The following XRN1 variants were observed in gnomAD, a reference collection of about 807,000 sequenced individuals.
XRN1 encodes the protein strand-exchange protein 1 homolog.
XRN1 carries 67 observed loss-of-function variants against 222.3 expected under a neutral mutation model. The ratio of observed to expected loss-of-function variants is 0.30; its 90% CI spans 0.25 to 0.37. The LOEUF (loss-of-function observed/expected upper bound fraction) is 0.37, where lower values mean the gene tolerates loss of function less well. Ranked by LOEUF, XRN1 falls within the 10% of genes least tolerant of loss-of-function variation. The probability of loss-of-function intolerance (pLI) is 1.00; values close to 1 mark genes in which losing one functional copy is unlikely to be tolerated. For synonymous variants in XRN1, 643 were observed against 652.4 expected (o/e 0.99, Z 0.22); for missense variants, 1,707 against 2,000.2 (o/e 0.85, Z 2.80).
chr3:142,407,239 T>C (rs2068376465), intron 15 of XRN1, among the ~76,000 whole-genome samples: 1 of 152,234 alleles, frequency 6.6e-6, no homozygotes, highest in Non-Finnish European at 1.5e-5. Flanking sequence ...GCAAAGACCC[T>C]GGCAAACGTG....
intron 15 of XRN1, among the ~76,000 whole-genome samples, chr3:142,411,741 C>T (rs537057874): frequency 1.3e-5 from 2 of 152,062 alleles, no homozygotes; most frequent in Admixed American, 6.5e-5. Context: ...TGGGGATCCC[C>T]CAGATCTTTG....
chr3:142,403,263 T>C (rs948038765), intron 18 of XRN1, among the ~76,000 whole-genome samples: 1 of 152,208 alleles, frequency 6.6e-6, no homozygotes, highest in African/African-American at 2.4e-5. Context: ...AAGAAATAGT[T>C]CAGATACACA....
At chr3:142,342,192 A>G (rs2066013395) in intron 33 of XRN1, among the ~76,000 whole-genome samples, 1 of 152,252 alleles carries the variant, frequency 6.6e-6, no homozygotes, top group South Asian at 2.1e-4. Flanking sequence ...CAAGAAAGTA[A>G]TTCCATTTAC....
chr3:142,316,825 C>T (rs932261997), intron 39 of XRN1, among the ~76,000 whole-genome samples: 3 of 152,038 alleles, frequency 2.0e-5, no homozygotes, highest in African/African-American at 7.2e-5. Flanking sequence ...CTCAGCATTT[C>T]TGAAGGCTGA....
intron 27 of XRN1, among the ~76,000 whole-genome samples, chr3:142,365,934 C>T (rs2066798584): frequency 6.6e-6 from 1 of 152,108 alleles, no homozygotes; most frequent in Non-Finnish European, 1.5e-5. Context: ...AATTTTGTGG[C>T]CACTTATAAA....
At position 142,426,844 on chromosome 3, in the gene XRN1, T is replaced by G. The variant is rs370427461; in HGVS notation, c.309-3A>C. 1.2e-6 allele frequency: 2 copies of G among 1,612,260 alleles called. No homozygotes were observed. Among genetic ancestry groups the G allele is most frequent in the African/African-American group, 2.7e-5 (2 of 74,840 alleles). On this transcript the variant is annotated splice_region_variant and splice_polypyrimidine_tract_variant and intron_variant, in intron 2 of 40. Coordinates refer to ENST00000392981, the MANE Select transcript of XRN1 (RefSeq NM_001282857.2). ...TGTCTTCTGCCTCCTTTGCTGACCT[T>G]AAAGGTTAAGGGAAAAAAGTACCTT...
rs759852174 is a variant in XRN1 at position 142,422,748 on chromosome 3, T to C, written c.801A>G (p.Glu267=). Reference sequence around the variant, plus strand: ...CAATATCATATTTAAATGTGATCTTTTCCTACAGTAAAATAGAGAACAAAG... The same window carrying C: ...CAATATCATATTTAAATGTGATCTTCTCCTACAGTAAAATAGAGAACAAAG... ...YIDYEFSVLK[E]KITFKYDIER... Residue 267 remains glutamate, a splice_region_variant and synonymous_variant, in exon 8 of 41, where the codon GAA becomes GAG. Coordinates refer to ENST00000392981, the MANE Select transcript of XRN1 (RefSeq NM_001282857.2). 5 of 1,609,534 alleles carry C rather than the reference T, an allele frequency of 3.1e-6. No individual in the cohort carries two copies. The highest frequency in any genetic ancestry group is 4.2e-6 in the Non-Finnish European group (5 of 1,177,974).
At chr3:142,382,280 A>G (rs1015766197) in intron 22 of XRN1, among the ~76,000 whole-genome samples, 1 of 152,108 alleles carries the variant, frequency 6.6e-6, no homozygotes, top group Non-Finnish European at 1.5e-5. Context: ...ACATGATTCA[A>G]TCTTTATCAT....
intron 26 of XRN1, 135 bp downstream of exon 26, chr3:142,371,104 C>T (rs867851705): frequency 4.1e-5 from 30 of 726,222 alleles, no homozygotes; most frequent in African/African-American, 7.6e-5. Context: ...CCACTGCATT[C>T]GGGCAAGAGA....
chr3:142,313,082 G>A, intron 39 of XRN1: 1 of 1,558,860 alleles, frequency 6.4e-7, no homozygotes, highest in Non-Finnish European at 8.7e-7. Flanking sequence ...TCATGAAATT[G>A]TCCCTTGTGA....
chr3:142,329,731 T>C, intron 36 of XRN1, 116 bp from the exon 37 acceptor site: 1 of 921,782 alleles, frequency 1.1e-6, no homozygotes, highest in Non-Finnish European at 1.5e-6. Flanking sequence ...GTGAAGTGAA[T>C]TGCTCAAGGC....
chr3:142,356,658 A>T (rs1049849909), intron 31 of XRN1, among the ~76,000 whole-genome samples: 13 of 152,228 alleles, frequency 8.5e-5, no homozygotes, highest in Admixed American at 5.9e-4. Flanking sequence ...TTACAGAGAA[A>T]GCATGGACAT....
At chr3:142,335,718 G>C (rs1303518988) in intron 33 of XRN1, among the ~76,000 whole-genome samples, 1 of 152,150 alleles carries the variant, frequency 6.6e-6, no homozygotes, top group Admixed American at 6.5e-5. Context: ...CATCTGAATT[G>C]GGCCTCGAAG....
chr3:142,375,837 G>T lies in XRN1; in HGVS notation c.2939C>A (p.Ser980Ter). ...TGCCAGAAGTTGTTCTGCTGCAGATGAATACATCCATTCACTTCCAACTTT... is the reference window on the plus strand; with the variant it reads ...TGCCAGAAGTTGTTCTGCTGCAGATTAATACATCCATTCACTTCCAACTTT... Reference protein sequence around the residue: ...TKKVGSEWMYSSAAEQLLAEY... With the variant: ...TKKVGSEWMY Residue 980 changes from serine (S) to a stop codon, truncating the protein, a stop_gained, in exon 25 of 41, where the codon TCA (serine) becomes TAA (stop). Coordinates refer to ENST00000392981, the MANE Select transcript of XRN1 (RefSeq NM_001282857.2). LOFTEE classifies it high-confidence loss of function. 3 of 1,613,830 alleles carry T rather than the reference G, an allele frequency of 1.9e-6. No homozygotes were observed. The highest frequency in any genetic ancestry group is 2.5e-6 in the Non-Finnish European group (3 of 1,179,890).
At chr3:142,323,424 C>T (rs1466295041) in intron 37 of XRN1, among the ~76,000 whole-genome samples, 6 of 151,970 alleles carry the variant, frequency 3.9e-5, no homozygotes, top group East Asian at 3.9e-4. Flanking sequence ...TCAAGTGATC[C>T]GCCTGCCTTG....
At chr3:142,407,453 C>T (rs536230662) in intron 15 of XRN1, among the ~76,000 whole-genome samples, 1 of 152,284 alleles carries the variant, frequency 6.6e-6, no homozygotes, top group East Asian at 1.9e-4. Flanking sequence ...CCTCAGCCTC[C>T]TGAGTAGCTG....
At chr3:142,397,240 T>C in intron 20 of XRN1, 89 bp downstream of exon 20, 1 of 1,284,268 alleles carries the variant, frequency 7.8e-7, no homozygotes, top group East Asian at 2.5e-5. Flanking sequence ...TCAGAGTAAC[T>C]ACTATGTTAA....
intron 1 of XRN1, among the ~76,000 whole-genome samples, chr3:142,440,784 C>T (rs771651660): frequency 8.5e-5 from 13 of 152,124 alleles, no homozygotes; most frequent in Non-Finnish European, 1.6e-4. Flanking sequence ...AGTCCTGGAC[C>T]TTAAGGATGC....
chr3:142,370,348 A>G (rs2066951502), intron 27 of XRN1, 137 bp downstream of exon 27: 1 of 1,140,344 alleles, frequency 8.8e-7, no homozygotes, highest in East Asian at 3.0e-5. Flanking sequence ...ACTTTTTTAA[A>G]TTACAGGATT....
Sources: gnomAD v4.1 joint callset for allele counts (sites outside exome capture counted in the v4.1 genomes callset) on GRCh38, gnomAD v4.1.1 for gene constraint, MANE v1.5 for transcripts, NCBI Gene and HGNC (gene_info 2026-07-23, HGNC 2026-07-21) for gene names.